The following MTFR1 variants were observed in gnomAD, a reference collection of about 807,000 sequenced individuals.
MTFR1 encodes chondrocyte protein with a poly-proline region.
A neutral mutation model predicts 38.8 loss-of-function variants in MTFR1; 28 were observed. That is an observed-to-expected ratio of 0.72 (90% CI 0.53 to 0.99). The LOEUF (loss-of-function observed/expected upper bound fraction) is 0.99, where lower values mean the gene tolerates loss of function less well. MTFR1 is among the 50% of genes least tolerant of loss of function. MTFR1 has a pLI of 0.00. For synonymous variants in MTFR1, 145 were observed against 137.0 expected (o/e 1.06, Z -0.41); for missense variants, 358 against 395.5 (o/e 0.91, Z 0.81).
chr8:65,663,258 T>A (rs138439982), intron 1 of MTFR1, among the ~76,000 whole-genome samples: 1 of 152,146 alleles, frequency 6.6e-6, no homozygotes, highest in African/African-American at 2.4e-5. Context: ...CTGAAACATA[T>A]GCTGTGTCCA....
At chr8:65,719,539 C>T (rs1393952678) in intron 3 of MTFR1, 1 of 1,263,622 alleles carries the variant, frequency 7.9e-7, no homozygotes, top group East Asian at 2.3e-5. Context: ...TATGCTGAAA[C>T]TCTATCTTTA....
chr8:65,718,627 C>T lies in MTFR1; in HGVS notation c.382-753C>T, dbSNP rs1031423568. On this transcript the variant is annotated intron_variant, in intron 2 of 3. Coordinates refer to the MTFR1 transcript ENST00000521247. ...GGAGTGAAAGCTTGGCGGTACTCTACGATAAATGCTCAGTTTCCAGTGCAT... is the reference window on the plus strand; with the variant it reads ...GGAGTGAAAGCTTGGCGGTACTCTATGATAAATGCTCAGTTTCCAGTGCAT... 3.3e-5 allele frequency: 5 copies of T among 152,402 alleles called. No individual in the cohort carries two copies. In the East Asian group the frequency reaches 7.7e-4, roughly 23 times the overall value. The allele number at this position is 152,402 out of a possible 1,614,324, so 9.4% of individuals were successfully genotyped here. A position where few individuals can be genotyped will look rare whatever the true frequency, so the allele number is the denominator to read the frequency against.
intron 3 of MTFR1, among the ~76,000 whole-genome samples, chr8:65,764,865 T>C (rs1332700155): frequency 6.6e-6 from 1 of 152,148 alleles, no homozygotes; most frequent in African/African-American, 2.4e-5. Flanking sequence ...GTCATTGTAA[T>C]AAAGACAATA....
chr8:65,757,257 C>T (rs902855193), intron 3 of MTFR1, among the ~76,000 whole-genome samples: 32 of 152,094 alleles, frequency 2.1e-4, no homozygotes, highest in African/African-American at 7.5e-4. Context: ...GAGGCCTGCT[C>T]CTGAGGCCTG....
chr8:65,670,592 T>C (rs28576524), intron 2 of MTFR1, among the ~76,000 whole-genome samples: 20,322 of 152,168 alleles, frequency 0.13, 2,236 homozygotes, highest in East Asian at 0.53. Flanking sequence ...CAAGTACATT[T>C]TGTAGAATAT....
intron 2 of MTFR1, among the ~76,000 whole-genome samples, chr8:65,680,122 TTA>T (rs1804832205): frequency 6.6e-6 from 1 of 151,288 alleles, no homozygotes; most frequent in African/African-American, 2.4e-5. Context: ...GCCAGGGGTA[TTA>T]TATATCCTTC....
intron 3 of MTFR1, among the ~76,000 whole-genome samples, chr8:65,752,080 T>G (rs190620281): frequency 1.3e-5 from 2 of 152,368 alleles, no homozygotes; most frequent in Admixed American, 1.3e-4. Flanking sequence ...CTTATATTTC[T>G]ACTACTTGAT....
intron 3 of MTFR1, among the ~76,000 whole-genome samples, chr8:65,740,172 G>A (rs1410492518): frequency 1.3e-5 from 2 of 149,856 alleles, no homozygotes; most frequent in Admixed American, 1.3e-4. Flanking sequence ...GTTGCTTGGG[G>A]GGGTGGGGAG....
intron 3 of MTFR1, among the ~76,000 whole-genome samples, chr8:65,737,059 G>C (rs999147722): frequency 6.6e-5 from 10 of 151,834 alleles, no homozygotes; most frequent in Non-Finnish European, 8.8e-5. Flanking sequence ...AGTGAGCCAT[G>C]ATCATGCCAC....
chr8:65,768,111 T>C (rs891177718), intron 3 of MTFR1, among the ~76,000 whole-genome samples: 4 of 152,258 alleles, frequency 2.6e-5, no homozygotes, highest in African/African-American at 7.2e-5. Context: ...CCTCCACACA[T>C]TTGGTCACAG....
chr8:65,650,789 A>C (rs1044705789), intron 1 of MTFR1, among the ~76,000 whole-genome samples: 4 of 152,188 alleles, frequency 2.6e-5, no homozygotes, highest in African/African-American at 9.7e-5. Context: ...GCTTCAATAT[A>C]CTGATTTCCT....
chr8:65,753,046 T>A (rs1395162988), intron 3 of MTFR1, among the ~76,000 whole-genome samples: 1 of 152,202 alleles, frequency 6.6e-6, no homozygotes. Context: ...AATTTGTGCT[T>A]TATGGTAAAG....
chr8:65,756,645 C>T (rs1585879292), intron 3 of MTFR1, among the ~76,000 whole-genome samples: 2 of 151,814 alleles, frequency 1.3e-5, no homozygotes, highest in South Asian at 2.1e-4. Flanking sequence ...CATTGTTTTC[C>T]TTATTTGTTT....
At chr8:65,719,299 C>T (rs753381972) in intron 2 of MTFR1, 2 of 1,612,906 alleles carry the variant, frequency 1.2e-6, no homozygotes, top group Non-Finnish European at 8.5e-7. Context: ...GTTATGATAA[C>T]CGATTTTCCT....
intron 1 of MTFR1, among the ~76,000 whole-genome samples, chr8:65,667,055 CTGAGG>C (rs772933530): frequency 1.3e-5 from 2 of 152,126 alleles, no homozygotes; most frequent in African/African-American, 4.8e-5. Flanking sequence ...GGTGGATCGC[CTGAGG>C]TGAGGTCAGG....
chr8:65,647,138 G>A (rs1808982005), intron 1 of MTFR1, among the ~76,000 whole-genome samples: 1 of 152,208 alleles, frequency 6.6e-6, no homozygotes, highest in Admixed American at 6.5e-5. Context: ...AGCTGGTACT[G>A]TCAAAGGTGG....
intron 1 of MTFR1, among the ~76,000 whole-genome samples, chr8:65,651,186 C>T (rs1385640071): frequency 6.6e-6 from 1 of 152,148 alleles, no homozygotes; most frequent in South Asian, 2.1e-4. Context: ...CTTATGTATT[C>T]TGGTTGTTAA....
chr8:65,704,806 A>AC lies in MTFR1; in HGVS notation c.398dup (p.Ala134SerfsTer5). 6.2e-7 allele frequency: 1 copy of AC among 1,614,064 alleles called. No homozygotes were observed. The highest frequency in any genetic ancestry group is 8.5e-7 in the Non-Finnish European group (1 of 1,180,020). ...GTCTCAAGAAGAGCCTCAGCTGAAG[A>AC]CCCCAGCGCTGGCAAATGAGGAAGC... On this transcript the variant is annotated frameshift_variant, in exon 5 of 8. Coordinates refer to ENST00000262146, the MANE Select transcript of MTFR1 (RefSeq NM_014637.4). LOFTEE classifies it high-confidence loss of function.
intron 4 of MTFR1, among the ~76,000 whole-genome samples, chr8:65,701,006 A>G (rs1415465861): frequency 1.3e-5 from 2 of 152,212 alleles, no homozygotes; most frequent in Non-Finnish European, 2.9e-5. Flanking sequence ...AAAAATGCAG[A>G]TTTACTGAAC....
Sources: gnomAD v4.1 joint callset for allele counts (sites outside exome capture counted in the v4.1 genomes callset) on GRCh38, gnomAD v4.1.1 for gene constraint, MANE v1.5 for transcripts, NCBI Gene and HGNC (gene_info 2026-07-23, HGNC 2026-07-21) for gene names.